RGL3: variants seen among roughly 807,000 people sequenced by gnomAD.
RGL3 encodes the protein ral guanine nucleotide dissociation stimulator like 3, also known as ral guanine nucleotide dissociation stimulator-like 3.
A neutral mutation model predicts 90.6 loss-of-function variants in RGL3; 85 were observed. The observed-to-expected ratio is 0.94, with a 90% CI of 0.79 to 1.12. The LOEUF (loss-of-function observed/expected upper bound fraction) is 1.12. Ranked by LOEUF, RGL3 falls within the 50% of genes most tolerant of loss-of-function variation. The probability of loss-of-function intolerance (pLI) is 0.00; values close to 1 mark genes in which losing one functional copy is unlikely to be tolerated. For missense variants in RGL3, 1,034 were observed against 939.2 expected (o/e 1.10, Z -1.32); for synonymous variants, 408 against 385.5 (o/e 1.06, Z -0.68).
intron 18 of RGL3, 155 bp from the exon 19 acceptor site, chr19:11,394,675 G>A (rs1968534237): frequency 1.6e-6 from 1 of 616,820 alleles, no homozygotes; most frequent in Non-Finnish European, 2.9e-6. Flanking sequence ...CTGTCACTGG[G>A]AACCTGGACG....
intron 5 of RGL3, among the ~76,000 whole-genome samples, chr19:11,414,301 A>G (rs1968936547): frequency 1.1e-5 from 1 of 87,646 alleles, no homozygotes; most frequent in South Asian, 3.7e-4. Flanking sequence ...ACCTTCATAT[A>G]TATACATATA....
chr19:11,406,713 G>T lies in RGL3; in HGVS notation c.780+9C>A. ...TGTGGCTCATCCCGACCCTGTCCGG[G>T]ATCCTCACCAAGTCTATGAGGGTCA... On this transcript the variant is annotated intron_variant, in intron 6 of 18. Transcript: ENST00000380456. 4 of 1,613,624 alleles carry T rather than the reference G, an allele frequency of 2.5e-6. No homozygotes were observed. Among genetic ancestry groups the T allele is most frequent in the Non-Finnish European group, 3.4e-6 (4 of 1,179,900 alleles).
rs1434861974 is a variant in RGL3 at position 11,397,345 on chromosome 19, T to G, written c.1913A>C (p.Asp638Ala). Residue 638 changes from aspartate (D) to alanine (A), a missense_variant, in exon 18 of 19, where the codon GAC becomes GCC. By Grantham distance (126) the Asp-to-Ala change is moderately radical. Transcript: ENST00000380456. ...TCGCCGGACCACGCTGGGGGCTTTGTCCTGACTGGTCAGCTGGAAGAGAGG... is the reference window on the plus strand; with the variant it reads ...TCGCCGGACCACGCTGGGGGCTTTGGCCTGACTGGTCAGCTGGAAGAGAGG... ...LYRSILLTSQ[D>A]KAPSVVRRAL... 6.2e-7 allele frequency: 1 copy of G among 1,603,172 alleles called. No individual in the cohort carries two copies. Among genetic ancestry groups the G allele is most frequent in the African/African-American group, 1.3e-5 (1 of 74,774 alleles).
intron 5 of RGL3, among the ~76,000 whole-genome samples, chr19:11,415,354 C>CA (rs990611846): frequency 4.7e-5 from 7 of 149,970 alleles, no homozygotes; most frequent in Non-Finnish European, 1.0e-4. Context: ...GACCCTGACT[C>CA]AAAAAAAAGA....
At chr19:11,415,538 C>T (rs1024373938) in intron 5 of RGL3, among the ~76,000 whole-genome samples, 2 of 152,074 alleles carry the variant, frequency 1.3e-5, no homozygotes, top group South Asian at 2.1e-4. Context: ...TGCAATGGCA[C>T]GATCTCGACT....
At position 11,405,895 on chromosome 19, in the gene RGL3, A is replaced by T. The variant is rs201561297; in HGVS notation, c.997-469T>A. 7.2e-5 allele frequency among the ~76,000 whole-genome samples: 10 copies of T among 139,092 alleles called. No homozygotes were observed. In the East Asian group the frequency reaches 1.5e-3, roughly 20 times the overall value. The allele number at this position is 139,092 out of a possible 152,430, so 91.2% of individuals were successfully genotyped here. On this transcript the variant is annotated intron_variant, in intron 7 of 18. Transcript: ENST00000380456. ...GTAAGTCTCATTTTTAATTTTTTTA[A>T]TTTTTTTTTTTTTTCTAGAAACATT...
At chr19:11,399,994 T>G (rs761215818) in intron 15 of RGL3, 43 bp from the exon 16 acceptor site, 2 of 1,594,572 alleles carry the variant, frequency 1.3e-6, no homozygotes, top group Non-Finnish European at 1.7e-6. Flanking sequence ...CTGTGCTGAC[T>G]CCTGATCCCA....
Position 11,400,190 on chromosome 19 carries a change from C to G in RGL3, c.1580+12G>C, listed in dbSNP as rs1227837071. Reference sequence around the variant, plus strand: ...CCCACATCACCGCCCCTACACACACCCCGAGACTCACGCACTGAGACGCTT... The same window carrying G: ...CCCACATCACCGCCCCTACACACACGCCGAGACTCACGCACTGAGACGCTT... On this transcript the variant is annotated intron_variant, in intron 14 of 18. Transcript: ENST00000380456. 6.3e-7 allele frequency: 1 copy of G among 1,576,878 alleles called. No individual in the cohort carries two copies. The highest frequency in any genetic ancestry group is 2.3e-5 in the East Asian group (1 of 43,404).
Position 11,416,832 on chromosome 19 carries a change from T to C in RGL3, c.371+4A>G, listed in dbSNP as rs1343960671. ...GAATACGGAGGTTATGGTTCGCTACTGACCCGGGAGGTGGGGGCGGTGGCA... is the reference window on the plus strand; with the variant it reads ...GAATACGGAGGTTATGGTTCGCTACCGACCCGGGAGGTGGGGGCGGTGGCA... On this transcript the variant is annotated splice_donor_region_variant and intron_variant, in intron 3 of 18. Transcript: ENST00000380456. 4 of 1,613,258 alleles carry C rather than the reference T, an allele frequency of 2.5e-6. No homozygotes were observed. The African/African-American group carries it at 4.0e-5, about 16-fold the overall frequency.
intron 18 of RGL3, 33 bp from the exon 19 acceptor site, chr19:11,394,553 C>CTTGTGTAA (rs757797745): frequency 1.4e-5 from 21 of 1,529,770 alleles, no homozygotes; most frequent in Non-Finnish European, 1.9e-5. Flanking sequence ...GTAATAGGCC[C>CTTGTGTAA]TCACAACCTT....
chr19:11,412,063 T>C (rs796828142), intron 5 of RGL3, among the ~76,000 whole-genome samples: 33 of 152,162 alleles, frequency 2.2e-4, no homozygotes, highest in African/African-American at 7.7e-4. Context: ...GCGGATCACC[T>C]GAGGTCAGGA....
At chr19:11,411,980 AAAAAAT>A (rs988351326) in intron 5 of RGL3, among the ~76,000 whole-genome samples, 1 of 152,038 alleles carries the variant, frequency 6.6e-6, no homozygotes, top group African/African-American at 2.4e-5. Context: ...GAAGGTTATT[AAAAAAT>A]AAAAATAAAA....
intron 1 of RGL3, 114 bp from the exon 2 acceptor site, chr19:11,418,898 C>T (rs1026180485): frequency 1.7e-5 from 14 of 834,770 alleles, no homozygotes; most frequent in Admixed American, 2.9e-5. Context: ...CGCCCCTTCC[C>T]GGCCAGAAGC....
rs756786856 is a variant in RGL3 at position 11,405,150 on chromosome 19, G to C, written c.1182C>G (p.Phe394Leu). 1 of 1,613,862 alleles carries C rather than the reference G, an allele frequency of 6.2e-7. No homozygotes were observed. Among genetic ancestry groups the C allele is most frequent in the Non-Finnish European group, 8.5e-7 (1 of 1,179,766 alleles). ...TGGAGTCTGCATCCATCTCTACCTGGAAAAGAATCTCTCTGCTGCTGAGGT... is the reference window on the plus strand; with the variant it reads ...TGGAGTCTGCATCCATCTCTACCTGCAAAAGAATCTCTCTGCTGCTGAGGT... Reference protein sequence around the residue: ...NNHLSSREILFQEEATEGSQE... With the variant: ...NNHLSSREILLQEEATEGSQE... The change falls in exon 9 of 19, where the codon TTC becomes TTG. Residue 394 changes from phenylalanine (F) to leucine (L), a missense_variant. Transcript: ENST00000380456.
At chr19:11,412,428 G>A (rs1225975006) in intron 5 of RGL3, among the ~76,000 whole-genome samples, 1 of 152,110 alleles carries the variant, frequency 6.6e-6, no homozygotes, top group African/African-American at 2.4e-5. Context: ...ATAGGTGATG[G>A]ATGTCTGAAT....
chr19:11,397,116 C>T (rs1269678042), intron 18 of RGL3, 128 bp downstream of exon 18: 2 of 712,498 alleles, frequency 2.8e-6, no homozygotes, highest in African/African-American at 3.6e-5. Flanking sequence ...TATCTTACCC[C>T]TACTCTCTGC....
chr19:11,416,163 A>G lies in RGL3; in HGVS notation c.426-15T>C. On this transcript the variant is annotated splice_polypyrimidine_tract_variant and intron_variant, in intron 4 of 18. Coordinates refer to ENST00000380456, the MANE Select transcript of RGL3 (RefSeq NM_001035223.4). Reference sequence around the variant, plus strand: ...ACACCACAGCCCTGGCCAGAGAGGCAGGGTCTCAGAGCTGGGTCCAGAGTG... The same window carrying G: ...ACACCACAGCCCTGGCCAGAGAGGCGGGGTCTCAGAGCTGGGTCCAGAGTG... 6.6e-7 allele frequency: 1 copy of G among 1,514,900 alleles called. No homozygotes were observed. Among genetic ancestry groups the G allele is most frequent in the Non-Finnish European group, 8.8e-7 (1 of 1,134,960 alleles). The allele number at this position is 1,514,900 out of a possible 1,614,324, so 93.8% of individuals were successfully genotyped here.
At chr19:11,402,381 G>A in intron 11 of RGL3, 74 bp downstream of exon 11, 10 of 1,563,582 alleles carry the variant, frequency 6.4e-6, no homozygotes, top group Admixed American at 1.7e-5. Context: ...TAGGATCAAG[G>A]GTGGATATTG....
At chr19:11,406,952 C>T (rs980410074) in intron 5 of RGL3, 88 bp from the exon 6 acceptor site, 1 of 1,291,636 alleles carries the variant, frequency 7.7e-7, no homozygotes, top group Non-Finnish European at 1.1e-6. Flanking sequence ...CTCTCTGAGG[C>T]TCACTTTCCT....
Sources: allele counts gnomAD v4.1 joint callset (sites outside exome capture counted in the v4.1 genomes callset), GRCh38; gene constraint gnomAD v4.1.1; transcripts MANE v1.5; gene names NCBI Gene and HGNC (gene_info 2026-07-23, HGNC 2026-07-21).